Variants in RHBDD1 observed in about 807,000 individuals in gnomAD.
RHBDD1 encodes the protein rhomboid domain containing 1.
RHBDD1 carries 38 observed loss-of-function variants against 36.3 expected under a neutral mutation model. The observed-to-expected ratio is 1.05, with a 90% confidence interval of 0.81 to 1.37. RHBDD1 has a LOEUF of 1.37. RHBDD1 is among the 40% of genes most tolerant of loss of function. The probability of loss-of-function intolerance (pLI) is 0.00; values close to 1 mark genes in which losing one functional copy is unlikely to be tolerated. For synonymous variants in RHBDD1, 151 were observed against 136.5 expected, an observed-to-expected ratio of 1.11 and a Z score of -0.74; for missense variants, 393 against 377.6, an observed-to-expected ratio of 1.04 and a Z score of -0.34.
At chr2:226,952,652 CTTTA>C (rs1951507927) in intron 8 of RHBDD1, among the ~76,000 whole-genome samples, 1 of 152,120 alleles carries the variant, frequency 6.6e-6, no homozygotes, top group African/African-American at 2.4e-5. Flanking sequence ...GTCCTCCATG[CTTTA>C]TACATAATTT....
intron 8 of RHBDD1, among the ~76,000 whole-genome samples, chr2:226,964,925 G>T (rs931376380): frequency 8.5e-5 from 13 of 152,204 alleles, no homozygotes; most frequent in African/African-American, 3.1e-4. Flanking sequence ...CCATTAGAGG[G>T]TTTTGCTCAG....
the RHBDD1 span, chr2:226,810,815 G>A: frequency 6.6e-6 from 1 of 151,954 alleles, no homozygotes; most frequent in Non-Finnish European, 1.5e-5. Context: ...CATCCCTGGG[G>A]GTTGTAAAAC....
At chr2:226,926,357 G>C (rs1412165768) in intron 8 of RHBDD1, among the ~76,000 whole-genome samples, 1 of 151,996 alleles carries the variant, frequency 6.6e-6, no homozygotes, top group Non-Finnish European at 1.5e-5. Context: ...TTTTCTCAAA[G>C]AGTATGTTTT....
intron 5 of RHBDD1, among the ~76,000 whole-genome samples, chr2:226,892,947 C>G (rs1483514310): frequency 6.6e-6 from 1 of 152,156 alleles, no homozygotes; most frequent in Non-Finnish European, 1.5e-5. Context: ...TTAAGGGATT[C>G]TAAAGTGCAG....
chr2:226,840,132 G>T (rs1941446645), intron 3 of RHBDD1, among the ~76,000 whole-genome samples: 2 of 152,196 alleles, frequency 1.3e-5, no homozygotes, highest in Non-Finnish European at 2.9e-5. Flanking sequence ...ATTGAAGAGG[G>T]TTTCCTGGTG....
chr2:226,811,404 C>T, the RHBDD1 span, among the ~76,000 whole-genome samples: 3 of 152,200 alleles, frequency 2.0e-5, no homozygotes, highest in Admixed American at 1.3e-4. Context: ...CGGGTCCAAG[C>T]GATTCTAGCG....
At chr2:226,982,234 G>T (rs1471172041) in intron 8 of RHBDD1, among the ~76,000 whole-genome samples, 1 of 152,192 alleles carries the variant, frequency 6.6e-6, no homozygotes, top group Non-Finnish European at 1.5e-5. Flanking sequence ...CTAATTGCAG[G>T]TTTTTCTCAG....
chr2:226,980,536 C>A (rs913140309), intron 8 of RHBDD1, among the ~76,000 whole-genome samples: 2 of 152,170 alleles, frequency 1.3e-5, no homozygotes, highest in Non-Finnish European at 2.9e-5. Context: ...CCTGAAGACA[C>A]CCCTCGTGTT....
chr2:226,853,999 G>A (rs1485383541), intron 3 of RHBDD1, among the ~76,000 whole-genome samples: 3 of 152,150 alleles, frequency 2.0e-5, no homozygotes, highest in African/African-American at 7.2e-5. Context: ...AGGATTGTGA[G>A]AATTAAGTGA....
chr2:226,936,205 G>A (rs1950319683), intron 8 of RHBDD1, among the ~76,000 whole-genome samples: 1 of 152,042 alleles, frequency 6.6e-6, no homozygotes, highest in African/African-American at 2.4e-5. Context: ...TCATTTCAGT[G>A]AATAAAAGTT....
chr2:226,992,013 C>A (rs1257393425), intron 8 of RHBDD1, among the ~76,000 whole-genome samples: 1 of 152,226 alleles, frequency 6.6e-6, no homozygotes, highest in Non-Finnish European at 1.5e-5. Flanking sequence ...TGTCCAGATT[C>A]TTTCCTGTGT....
intron 8 of RHBDD1, among the ~76,000 whole-genome samples, chr2:226,940,950 CTT>C (rs1194250936): frequency 4.8e-5 from 7 of 145,944 alleles, no homozygotes; most frequent in Admixed American, 6.8e-5. Flanking sequence ...TTTCTTTTTC[CTT>C]TTTTTTTTTT....
intron 5 of RHBDD1, among the ~76,000 whole-genome samples, chr2:226,868,475 A>G (rs1944520406): frequency 6.6e-6 from 1 of 152,162 alleles, no homozygotes; most frequent in South Asian, 2.1e-4. Flanking sequence ...CACCTCTTCC[A>G]CCAGCTTCAC....
At chr2:226,827,241 A>G in the RHBDD1 span, among the ~76,000 whole-genome samples, 1 of 152,240 alleles carries the variant, frequency 6.6e-6, no homozygotes, top group East Asian at 1.9e-4. Context: ...CTGAGATGAC[A>G]GGCATGAGCC....
At chr2:226,927,518 A>G (rs1949745096) in intron 8 of RHBDD1, among the ~76,000 whole-genome samples, 1 of 152,004 alleles carries the variant, frequency 6.6e-6, no homozygotes, top group Non-Finnish European at 1.5e-5. Context: ...TGGATTATAT[A>G]TGGTAAATTT....
rs529363408 is a variant in RHBDD1, at chr2:226,933,532, C to G, written c.856+19181C>G. 1.9e-4 allele frequency among the ~76,000 whole-genome samples: 29 copies of G among 152,046 alleles called. No homozygotes were observed. The South Asian group carries it at 6.0e-3, about 32-fold the overall frequency. On this transcript the variant is annotated intron_variant, in intron 8 of 8. Coordinates refer to ENST00000392062, the MANE Select transcript of RHBDD1 (RefSeq NM_001167608.3). Reference sequence around the variant, plus strand: ...TTTACCAATCTTCTTACAATTTGGCCGAAATTTTTTCACTGGTGTCCAGCA... The same window carrying G: ...TTTACCAATCTTCTTACAATTTGGCGGAAATTTTTTCACTGGTGTCCAGCA...
At chr2:226,834,976 A>G (rs1295513863), upstream of RHBDD1, among the ~76,000 whole-genome samples, 2 of 152,162 alleles carry the variant, frequency 1.3e-5, no homozygotes, top group African/African-American at 4.8e-5. Context: ...GGGTTTCGCC[A>G]TGTTGGCCAG....
intron 4 of RHBDD1, 134 bp downstream of exon 4, chr2:226,865,260 G>A: frequency 2.8e-6 from 2 of 709,482 alleles, no homozygotes; most frequent in Non-Finnish European, 4.9e-6. Context: ...GTCTTGAAGA[G>A]GAGGCTGGAG....
intron 5 of RHBDD1, among the ~76,000 whole-genome samples, chr2:226,876,422 G>A (rs1182340373): frequency 6.6e-6 from 1 of 152,114 alleles, no homozygotes; most frequent in African/African-American, 2.4e-5. Context: ...TGGTGTATTG[G>A]GAACTTCCTA....
Sources: allele counts gnomAD v4.1 joint callset (sites outside exome capture counted in the v4.1 genomes callset), GRCh38; gene constraint gnomAD v4.1.1; transcripts MANE v1.5; gene names NCBI Gene and HGNC (gene_info 2026-07-23, HGNC 2026-07-21).